CEP128: variants seen among roughly 807,000 people sequenced by gnomAD.
CEP128 encodes the protein centrosomal protein 128kDa.
A neutral mutation model predicts 156.7 loss-of-function variants in CEP128; 132 were observed. The observed-to-expected ratio is 0.84, with a 90% CI of 0.73 to 0.97. The LOEUF is 0.97. Among genes scored for constraint, CEP128 ranks in the 50% least tolerant of loss-of-function variants. The pLI, the probability that CEP128 is intolerant of heterozygous loss-of-function variation, is 0.00. For missense variants in CEP128, 1,252 were observed against 1,281.9 expected (o/e 0.98, Z 0.36); for synonymous variants, 469 against 448.9 (o/e 1.04, Z -0.57).
At chr14:80,804,831 T>C (rs1275839527) in intron 13 of CEP128, among the ~76,000 whole-genome samples, 1 of 152,166 alleles carries the variant, frequency 6.6e-6, no homozygotes, top group Non-Finnish European at 1.5e-5. Context: ...AGAAATTGTA[T>C]ATTGCATATA....
At chr14:80,921,391 T>C (rs1432023419) in intron 2 of CEP128, among the ~76,000 whole-genome samples, 2 of 152,112 alleles carry the variant, frequency 1.3e-5, no homozygotes, top group African/African-American at 4.8e-5. Flanking sequence ...CACCAGGTGA[T>C]ACCCTGGACT....
chr14:80,580,322 T>C lies in CEP128; in HGVS notation c.2856+52A>G, dbSNP rs1595038637. The C allele has an allele frequency of 9.2e-6, 11 of 1,196,600 alleles. No individual in the cohort carries two copies. The East Asian group carries it at 1.9e-4, about 20-fold the overall frequency. 74.1% of individuals were successfully genotyped at this position (1,196,600 alleles called of 1,614,324 possible). A position where few individuals can be genotyped will look rare whatever the true frequency, so the allele number is the denominator to read the frequency against. The stretch of plus-strand genomic sequence containing the variant: ...GTGACAATAATAAAGGATAAAAGAG[T>C]AAAAAACAAATGTTTTCATACCAAG... On this transcript the variant is annotated intron_variant, in intron 20 of 24. Transcript: ENST00000555265.
At chr14:80,493,210 G>A (rs1402783932), downstream of CEP128, among the ~76,000 whole-genome samples, 1 of 152,178 alleles carries the variant, frequency 6.6e-6, no homozygotes, top group Non-Finnish European at 1.5e-5. Context: ...TTGAGAAAAA[G>A]AGAGCATTCG....
intron 13 of CEP128, among the ~76,000 whole-genome samples, chr14:80,825,291 T>C (rs1408693251): frequency 1.3e-5 from 2 of 152,220 alleles, no homozygotes; most frequent in Non-Finnish European, 2.9e-5. Context: ...TACTTTTTTG[T>C]AGATATGGGG....
Position 80,792,991 on chromosome 14 carries a change from C to A in CEP128, c.1329G>T (p.Gln443His). ...CEAERKHADL[Q>H]ISELTRHAED... The stretch of plus-strand genomic sequence containing the variant: ...CCGCATGGCGAGTCAGCTCTGAGAT[C>A]TGAAGGTCAGCATGCTTACGCTCGG... Residue 443 changes from glutamine to histidine, a missense_variant, in exon 14 of 25, where the codon CAG becomes CAT. Physicochemically the swap from Gln to His is conservative, Grantham distance 24. Transcript: ENST00000555265. 6.2e-7 allele frequency: 1 copy of A among 1,614,192 alleles called. No individual in the cohort carries two copies. Among genetic ancestry groups the A allele is most frequent in the Non-Finnish European group, 8.5e-7 (1 of 1,180,028 alleles).
intron 19 of CEP128, among the ~76,000 whole-genome samples, chr14:80,674,440 G>A (rs576220765): frequency 2.6e-5 from 4 of 152,132 alleles, no homozygotes; most frequent in African/African-American, 9.6e-5. Context: ...GACATATCCT[G>A]TGATTTCTGC....
intron 19 of CEP128, among the ~76,000 whole-genome samples, chr14:80,720,296 C>A (rs962083854): frequency 6.6e-6 from 1 of 152,148 alleles, no homozygotes; most frequent in African/African-American, 2.4e-5. Context: ...TGGTAAAAAA[C>A]TGGGATGTTT....
At chr14:80,811,839 T>TAGATAGATAGATAGATAGATAGAC (rs1176101831) in intron 13 of CEP128, among the ~76,000 whole-genome samples, 1 of 152,040 alleles carries the variant, frequency 6.6e-6, no homozygotes, top group Non-Finnish European at 1.5e-5. Context: ...GATAGATAGA[T>TAGATAGATAGATAGATAGATAGAC]AGATAGATGA....
chr14:80,918,625 T>G (rs1884689526), intron 2 of CEP128, among the ~76,000 whole-genome samples: 1 of 152,228 alleles, frequency 6.6e-6, no homozygotes, highest in Non-Finnish European at 1.5e-5. Context: ...CTTCCCACTG[T>G]GTTCTGCTGT....
intron 19 of CEP128, among the ~76,000 whole-genome samples, chr14:80,665,958 G>A (rs1024359667): frequency 6.6e-5 from 10 of 152,146 alleles, no homozygotes; most frequent in African/African-American, 1.7e-4. Flanking sequence ...AAGAAGGGAG[G>A]AGTAAACACT....
At chr14:80,822,583 A>G in intron 13 of CEP128, 1 of 706,284 alleles carries the variant, frequency 1.4e-6, no homozygotes, top group South Asian at 1.4e-5. Context: ...TGAAGGACGA[A>G]TCACACAGAA....
intron 19 of CEP128, among the ~76,000 whole-genome samples, chr14:80,722,320 T>C (rs1216942366): frequency 9.9e-5 from 15 of 152,120 alleles, no homozygotes; most frequent in Non-Finnish European, 1.5e-5. Context: ...ATATCATAAG[T>C]ATTTTCTGAT....
At chr14:80,798,125 A>C (rs1298999236) in intron 13 of CEP128, among the ~76,000 whole-genome samples, 1 of 152,206 alleles carries the variant, frequency 6.6e-6, no homozygotes, top group Non-Finnish European at 1.5e-5. Context: ...ATTCTTGCCC[A>C]TACATTGCCA....
chr14:80,694,676 A>G lies in CEP128; in HGVS notation c.2806+48399T>C, dbSNP rs558435492. On this transcript the variant is annotated intron_variant, in intron 19 of 24. Coordinates refer to ENST00000555265, the MANE Select transcript of CEP128 (RefSeq NM_152446.5). ...AGAAAACTAAACACTGCATGTTCTC[A>G]CTCATAAGTGGGAGTTGAACAATGA... is the stretch of plus-strand genomic sequence containing the variant. Among the ~76,000 whole-genome samples the G allele has an allele frequency of 4.0e-5, 6 of 151,394 alleles. No homozygotes were observed. In the East Asian group the frequency reaches 1.2e-3, roughly 30 times the overall value.
intron 19 of CEP128, among the ~76,000 whole-genome samples, chr14:80,675,061 C>G (rs981813780): frequency 6.6e-6 from 1 of 152,070 alleles, no homozygotes; most frequent in Non-Finnish European, 1.5e-5. Context: ...ATTGCACAAT[C>G]ACCTCGTCCT....
intron 9 of CEP128, among the ~76,000 whole-genome samples, chr14:80,841,293 A>G (rs893732170): frequency 1.3e-5 from 2 of 152,118 alleles, no homozygotes; most frequent in African/African-American, 4.8e-5. Context: ...GTGTATGTGT[A>G]AAGTCCATAC....
At chr14:80,519,452 T>G (rs762600648) in intron 23 of CEP128, among the ~76,000 whole-genome samples, 10 of 152,252 alleles carry the variant, frequency 6.6e-5, no homozygotes, top group Non-Finnish European at 1.2e-4. Flanking sequence ...AATTTTAATT[T>G]GTCCAGCCCT....
At chr14:80,641,654 A>T (rs56745857) in intron 19 of CEP128, among the ~76,000 whole-genome samples, 14 of 152,286 alleles carry the variant, frequency 9.2e-5, no homozygotes, top group African/African-American at 3.4e-4. Flanking sequence ...GCTTTCTGAG[A>T]CCTAATGTGA....
At chr14:80,657,060 C>T (rs1769416582) in intron 19 of CEP128, among the ~76,000 whole-genome samples, 2 of 151,766 alleles carry the variant, frequency 1.3e-5, no homozygotes, top group African/African-American at 4.8e-5. Flanking sequence ...GTGTTCAAGA[C>T]CAGCCTGGCC....
Sources: allele counts gnomAD v4.1 joint callset (sites outside exome capture counted in the v4.1 genomes callset), GRCh38; gene constraint gnomAD v4.1.1; transcripts MANE v1.5; gene names NCBI Gene and HGNC (gene_info 2026-07-23, HGNC 2026-07-21).